Variants in CACNG2 observed in about 807,000 individuals in gnomAD.
The protein encoded by CACNG2 is calcium voltage-gated channel auxiliary subunit gamma 2.
CACNG2 carries 3 observed loss-of-function variants against 25.9 expected under a neutral mutation model. That is an observed-to-expected ratio of 0.12 (90% CI 0.05 to 0.30). The LOEUF (loss-of-function observed/expected upper bound fraction) is 0.30, where lower values mean the gene tolerates loss of function less well. CACNG2 is among the 10% of genes least tolerant of loss of function. CACNG2 has a pLI of 1.00. For synonymous variants in CACNG2, 167 were observed against 173.3 expected (o/e 0.96, Z 0.29); for missense variants, 341 against 432.5 (o/e 0.79, Z 1.88).
rs975560861 is a variant in CACNG2, at chr22:36,564,283, TCCCCG to T, written c.*63_*67del. ...GGTCTCCCAGCGGAGGGTCTGGGTC[TCCCCG>T]CCCCGCCCCGCCCCCGGGGACCGCG... On this transcript the variant is annotated 3_prime_UTR_variant, in exon 4 of 4. Coordinates refer to ENST00000300105, the MANE Select transcript of CACNG2 (RefSeq NM_006078.5). This position sits in a 1 kb window ranked among gnomAD's most constrained non-coding sequence, Gnocchi z 6.7. 1.0e-5 allele frequency: 15 copies of T among 1,458,934 alleles called. No homozygotes were observed. Among genetic ancestry groups the T allele is most frequent in the Admixed American group, 2.1e-5 (1 of 47,032 alleles). The allele number at this position is 1,458,934 out of a possible 1,614,324, so 90.4% of individuals were successfully genotyped here. A position where few individuals can be genotyped will look rare whatever the true frequency, so the allele number is the denominator to read the frequency against.
At chr22:36,572,271 G>T (rs1935244872) in intron 2 of CACNG2, among the ~76,000 whole-genome samples, 1 of 152,102 alleles carries the variant, frequency 6.6e-6, no homozygotes, top group African/African-American at 2.4e-5. Context: ...GATTACACAC[G>T]CCTAAAGCTG....
intron 1 of CACNG2, among the ~76,000 whole-genome samples, chr22:36,662,607 G>A (rs539447068): frequency 6.6e-6 from 1 of 152,238 alleles, no homozygotes; most frequent in African/African-American, 2.4e-5. Flanking sequence ...CTCAACTCAG[G>A]TGCCTCCTCC....
At chr22:36,586,436 C>T (rs539077277) in intron 2 of CACNG2, among the ~76,000 whole-genome samples, 12 of 152,330 alleles carry the variant, frequency 7.9e-5, no homozygotes, top group Non-Finnish European at 5.9e-5. Flanking sequence ...AAAATTGCAT[C>T]GTGTTCCCTC....
At chr22:36,582,024 G>A (rs1393623306) in intron 2 of CACNG2, among the ~76,000 whole-genome samples, 1 of 152,088 alleles carries the variant, frequency 6.6e-6, no homozygotes, top group Non-Finnish European at 1.5e-5. Context: ...TCCTGTGTGC[G>A]GTGCCCTGGA....
At chr22:36,565,160 A>T (rs779150001) in intron 3 of CACNG2, among the ~76,000 whole-genome samples, 1 of 152,252 alleles carries the variant, frequency 6.6e-6, no homozygotes. Flanking sequence ...GGCGCTGAGT[A>T]ACTAATAATA....
At chr22:36,654,159 A>G (rs1936669400) in intron 1 of CACNG2, among the ~76,000 whole-genome samples, 1 of 152,100 alleles carries the variant, frequency 6.6e-6, no homozygotes, top group Admixed American at 6.6e-5. Flanking sequence ...CATATTCTCA[A>G]GAGAGCCAAT....
chr22:36,654,554 T>C (rs1469360061), intron 1 of CACNG2, among the ~76,000 whole-genome samples: 1 of 152,176 alleles, frequency 6.6e-6, no homozygotes, highest in East Asian at 1.9e-4. Context: ...TTAAAGCCCA[T>C]ACTTATAAGA....
At chr22:36,577,201 A>G (rs1268962203) in intron 2 of CACNG2, among the ~76,000 whole-genome samples, 1 of 152,236 alleles carries the variant, frequency 6.6e-6, no homozygotes, top group Non-Finnish European at 1.5e-5. Flanking sequence ...CTGGTATGCG[A>G]GGAGCACCAG....
intron 2 of CACNG2, among the ~76,000 whole-genome samples, chr22:36,586,512 A>T (rs962537817): frequency 6.6e-6 from 1 of 152,216 alleles, no homozygotes; most frequent in African/African-American, 2.4e-5. Context: ...ACCAGATTCC[A>T]GGCTGACCTG....
intron 2 of CACNG2, among the ~76,000 whole-genome samples, chr22:36,581,851 G>A (rs974267796): frequency 1.1e-4 from 17 of 152,136 alleles, no homozygotes; most frequent in Non-Finnish European, 2.4e-4. Flanking sequence ...GGTCCATACC[G>A]AGCCCGTGAC....
chr22:36,591,020 G>T (rs955936486), intron 1 of CACNG2, among the ~76,000 whole-genome samples: 19 of 149,098 alleles, frequency 1.3e-4, no homozygotes, highest in African/African-American at 4.4e-4. Context: ...AGTGCTGGCT[G>T]CTCTATGTTG....
intron 2 of CACNG2, among the ~76,000 whole-genome samples, chr22:36,586,860 T>C (rs942849408): frequency 1.3e-5 from 2 of 152,222 alleles, no homozygotes; most frequent in East Asian, 1.9e-4. Context: ...GAATGCTTTC[T>C]CTTGATAATA....
intron 1 of CACNG2, among the ~76,000 whole-genome samples, chr22:36,678,971 A>G (rs1416668467): frequency 6.6e-6 from 1 of 152,206 alleles, no homozygotes; most frequent in Non-Finnish European, 1.5e-5. Context: ...CAATGCTCCC[A>G]ATCAATGCTC....
At chr22:36,585,428 T>G (rs967861479) in intron 2 of CACNG2, 11 of 152,204 alleles carry the variant, frequency 7.2e-5, no homozygotes, top group Admixed American at 2.6e-4. Flanking sequence ...GATAGAAACT[T>G]GCGTCTTCCA....
At chr22:36,625,505 CTG>C (rs767627109) in intron 1 of CACNG2, among the ~76,000 whole-genome samples, 1 of 152,136 alleles carries the variant, frequency 6.6e-6, no homozygotes, top group Non-Finnish European at 1.5e-5. Context: ...CTCACAAACT[CTG>C]TGTTCAGTAA....
rs190639134 is a variant in CACNG2, at chr22:36,679,055, T to C, written c.211+23311A>G. Among the ~76,000 whole-genome samples the C allele has an allele frequency of 3.9e-3, 593 of 152,342 alleles. 5 individuals carry two copies. The highest frequency in any genetic ancestry group is 5.3e-3 in the Admixed American group (81 of 15,304). On this transcript the variant is annotated intron_variant, in intron 1 of 3. Coordinates refer to ENST00000300105, the MANE Select transcript of CACNG2 (RefSeq NM_006078.5). ...AGGAAACGTCACAGCTGGCTGTGCC[T>C]TAACTGATACTCAGTTATTAGTTTA...
chr22:36,672,943 A>G (rs1331545133), intron 1 of CACNG2, among the ~76,000 whole-genome samples: 13 of 152,122 alleles, frequency 8.5e-5, no homozygotes, highest in Admixed American at 8.5e-4. Flanking sequence ...GTGTTGAAGG[A>G]GGCTGGGCAC....
intron 1 of CACNG2, among the ~76,000 whole-genome samples, chr22:36,697,560 A>T (rs534402928): frequency 6.6e-6 from 1 of 152,320 alleles, no homozygotes; most frequent in East Asian, 1.9e-4. Context: ...TGTGTGCCTC[A>T]TTCAGCTCAC....
In CACNG2 at chr22:36,576,573, C is replaced by T. The variant is rs56003956; in HGVS notation, c.296-10080G>A. Among the ~76,000 whole-genome samples the T allele has an allele frequency of 2.1e-3, 299 of 142,260 alleles. 1 individual carries two copies. The highest frequency in any genetic ancestry group is 3.7e-3 in the Middle Eastern group (1 of 270). The allele number at this position is 142,260 out of a possible 152,430, so 93.3% of individuals were successfully genotyped here. The stretch of plus-strand genomic sequence containing the variant: ...ACACTCCAAAATGCCTCTGTGTGTG[C>T]GTGTGTGTGTGTGTGTGTATGTGTG... On this transcript the variant is annotated intron_variant, in intron 2 of 3. Coordinates refer to ENST00000300105, the MANE Select transcript of CACNG2 (RefSeq NM_006078.5).
Sources: allele counts gnomAD v4.1 joint callset (sites outside exome capture counted in the v4.1 genomes callset), GRCh38; gene constraint gnomAD v4.1.1; non-coding constraint Gnocchi (gnomAD v3.1); transcripts MANE v1.5; gene names NCBI Gene and HGNC (gene_info 2026-07-23, HGNC 2026-07-21).